Variants in TLN2 observed in about 807,000 individuals in gnomAD.
The protein encoded by TLN2 is talin-2.
TLN2 carries 118 observed loss-of-function variants against 294.7 expected under a neutral mutation model. The observed-to-expected ratio is 0.40, with a 90% confidence interval of 0.34 to 0.47. The LOEUF (loss-of-function observed/expected upper bound fraction) is 0.47. TLN2 is among the 20% of genes least tolerant of loss of function. The probability of loss-of-function intolerance (pLI) is 0.84; values close to 1 mark genes in which losing one functional copy is unlikely to be tolerated. For synonymous variants in TLN2, 1,431 were observed against 1,304.5 expected (o/e 1.10, Z -2.09); for missense variants, 3,083 against 3,282.2 (o/e 0.94, Z 1.48).
chr15:62,810,769 T>C (rs552358280), intron 52 of TLN2, among the ~76,000 whole-genome samples: 8 of 152,150 alleles, frequency 5.3e-5, no homozygotes, highest in Non-Finnish European at 8.8e-5. Flanking sequence ...TTTAGAACCA[T>C]GTAAGGTCTA....
chr15:62,456,844 T>C (rs1595849132), intron 1 of TLN2, among the ~76,000 whole-genome samples: 1 of 152,140 alleles, frequency 6.6e-6, no homozygotes, highest in African/African-American at 2.4e-5. Flanking sequence ...TGGCTCTGTC[T>C]CATTCTGCTT....
intron 32 of TLN2, among the ~76,000 whole-genome samples, chr15:62,745,244 A>G (rs1450686759): frequency 1.3e-5 from 2 of 152,194 alleles, no homozygotes; most frequent in East Asian, 1.9e-4. Flanking sequence ...TGAAAACACT[A>G]TCTCTGTAAG....
chr15:62,537,284 G>A (rs551173932), intron 1 of TLN2, among the ~76,000 whole-genome samples: 16 of 152,088 alleles, frequency 1.1e-4, no homozygotes, highest in Non-Finnish European at 1.5e-4. Flanking sequence ...CAAAGTGCTG[G>A]GATTACAGGC....
chr15:62,840,379 G>A (rs2070502925), intron 58 of TLN2, 103 bp from the exon 59 acceptor site: 3 of 1,503,348 alleles, frequency 2.0e-6, no homozygotes, highest in African/African-American at 1.4e-5. Flanking sequence ...GTGCTGCAGT[G>A]TCCCACGGTC....
intron 9 of TLN2, among the ~76,000 whole-genome samples, chr15:62,666,543 A>C (rs2054672033): frequency 6.6e-6 from 1 of 152,214 alleles, no homozygotes; most frequent in African/African-American, 2.4e-5. Context: ...TTATAATTGA[A>C]TTATAAATTA....
intron 1 of TLN2, among the ~76,000 whole-genome samples, chr15:62,392,050 C>T (rs867115828): frequency 1.4e-4 from 22 of 152,366 alleles, no homozygotes; most frequent in Middle Eastern, 3.4e-3. Context: ...GTGGTCGCCC[C>T]GAGGCCGCCG....
intron 1 of TLN2, among the ~76,000 whole-genome samples, chr15:62,477,627 A>G (rs1172984681): frequency 6.6e-6 from 1 of 152,062 alleles, no homozygotes; most frequent in Non-Finnish European, 1.5e-5. Flanking sequence ...CTCTCTCTGT[A>G]GGGTGTGTTC....
chr15:62,679,648 G>C (rs950484773), intron 11 of TLN2, among the ~76,000 whole-genome samples: 1 of 152,156 alleles, frequency 6.6e-6, no homozygotes, highest in Non-Finnish European at 1.5e-5. Flanking sequence ...AAGGGTTCAG[G>C]GTTCTTTTTG....
At chr15:62,464,973 A>G (rs537246492) in intron 1 of TLN2, among the ~76,000 whole-genome samples, 1 of 152,268 alleles carries the variant, frequency 6.6e-6, no homozygotes, top group Non-Finnish European at 1.5e-5. Flanking sequence ...GCCCATGGGC[A>G]CTATGGGGGT....
rs2063316442 is a variant in TLN2 at position 62,770,941 on chromosome 15, G to GC, written c.5197-22dup. On this transcript the variant is annotated intron_variant, in intron 41 of 58. Coordinates refer to ENST00000636159, the MANE Select transcript of TLN2 (RefSeq NM_015059.3). ...CGTGTATTTACATGATACATCTCTGGCTTTTTTTTTTTTTTTTGAAAGGTG... is the reference window on the plus strand; with the variant it reads ...CGTGTATTTACATGATACATCTCTGGCCTTTTTTTTTTTTTTTTGAAAGGTG... 4.9e-6 allele frequency: 6 copies of GC among 1,222,094 alleles called. No homozygotes were observed. In the Admixed American group the frequency reaches 8.1e-5, roughly 16 times the overall value. The allele number at this position is 1,222,094 out of a possible 1,614,324, so 75.7% of individuals were successfully genotyped here.
intron 1 of TLN2, among the ~76,000 whole-genome samples, chr15:62,457,375 C>G (rs1287440641): frequency 6.6e-6 from 1 of 152,230 alleles, no homozygotes; most frequent in Non-Finnish European, 1.5e-5. Flanking sequence ...CTAATTATCT[C>G]CCTAAGGCAC....
intron 1 of TLN2, among the ~76,000 whole-genome samples, chr15:62,552,189 C>T (rs758058685): frequency 2.0e-5 from 3 of 152,148 alleles, no homozygotes; most frequent in Non-Finnish European, 4.4e-5. Flanking sequence ...TAAAGTAACC[C>T]CTGGTCGATA....
intron 9 of TLN2, among the ~76,000 whole-genome samples, chr15:62,669,548 C>T (rs1044740923): frequency 2.0e-5 from 3 of 152,082 alleles, no homozygotes; most frequent in African/African-American, 4.8e-5. Context: ...TAGATGGCTG[C>T]CCTTTTAAGG....
rs1254205081 is a variant in TLN2 at position 62,842,120 on chromosome 15, GC to G, written c.*1513del. 3 of 152,054 alleles carry G rather than the reference GC, an allele frequency of 2.0e-5. No homozygotes were observed. The highest frequency in any genetic ancestry group is 7.2e-5 in the African/African-American group (3 of 41,400). 9.4% of individuals were successfully genotyped at this position (152,054 alleles called of 1,614,324 possible). On this transcript the variant is annotated 3_prime_UTR_variant, in exon 59 of 59. Coordinates refer to ENST00000636159, the MANE Select transcript of TLN2 (RefSeq NM_015059.3). ...CCCGATCTTGTTTCACCAGACTCTA[GC>G]CCATGTCATGGTTTTAAAATACATA...
At chr15:62,394,119 T>C (rs902778803) in intron 1 of TLN2, among the ~76,000 whole-genome samples, 1 of 152,206 alleles carries the variant, frequency 6.6e-6, no homozygotes, top group African/African-American at 2.4e-5. Context: ...TGACCAAAAT[T>C]CTTGCATTTT....
At chr15:62,681,580 G>C (rs2056833506) in intron 11 of TLN2, among the ~76,000 whole-genome samples, 1 of 152,102 alleles carries the variant, frequency 6.6e-6, no homozygotes, top group Non-Finnish European at 1.5e-5. Context: ...TGGGAAGATT[G>C]GCCTAGAATC....
chr15:62,596,961 C>G (rs1472736117), intron 2 of TLN2, among the ~76,000 whole-genome samples: 1 of 152,074 alleles, frequency 6.6e-6, no homozygotes, highest in South Asian at 2.1e-4. Context: ...GTGCTTGCAA[C>G]TCAGCTCCTC....
chr15:62,747,594 G>T (rs996354702), intron 32 of TLN2, among the ~76,000 whole-genome samples: 6 of 152,084 alleles, frequency 3.9e-5, no homozygotes, highest in Non-Finnish European at 8.8e-5. Context: ...TGCTAATATG[G>T]TCTATTTGCT....
intron 9 of TLN2, among the ~76,000 whole-genome samples, chr15:62,671,061 C>T (rs1404220219): frequency 6.6e-6 from 1 of 152,146 alleles, no homozygotes; most frequent in Non-Finnish European, 1.5e-5. Flanking sequence ...TTTCATGTGC[C>T]TATTGGCCAT....
Sources: gnomAD v4.1 joint callset for allele counts (sites outside exome capture counted in the v4.1 genomes callset) on GRCh38, gnomAD v4.1.1 for gene constraint, MANE v1.5 for transcripts, NCBI Gene and HGNC (gene_info 2026-07-23, HGNC 2026-07-21) for gene names.